Variants in NPAS3 observed in about 807,000 individuals in gnomAD.
NPAS3 encodes neuronal PAS domain-containing protein 3.
In NPAS3, 14 loss-of-function variants were observed where a neutral mutation model predicts 73.1. That is an observed-to-expected ratio of 0.19 (90% confidence interval 0.13 to 0.30). NPAS3 has a LOEUF of 0.30. Among genes scored for constraint, NPAS3 ranks in the 10% least tolerant of loss-of-function variants. The pLI, the probability that NPAS3 is intolerant of heterozygous loss-of-function variation, is 1.00. For synonymous variants in NPAS3, 620 were observed against 541.5 expected, an observed-to-expected ratio of 1.14 and a Z score of -2.01; for missense variants, 1,096 against 1,250.0, an observed-to-expected ratio of 0.88 and a Z score of 1.86.
chr14:33,286,999 CA>C (rs2041903692), intron 3 of NPAS3, among the ~76,000 whole-genome samples: 1 of 151,914 alleles, frequency 6.6e-6, no homozygotes, highest in African/African-American at 2.4e-5. Context: ...ACATGGTTAG[CA>C]ATGCTCGGGA....
chr14:33,703,131 T>C (rs1161394006), intron 6 of NPAS3, among the ~76,000 whole-genome samples: 1 of 152,144 alleles, frequency 6.6e-6, no homozygotes, highest in African/African-American at 2.4e-5. Context: ...CTGTACTGTT[T>C]AATGTAGAAC....
At chr14:33,036,759 T>C (rs2138383096) in intron 1 of NPAS3, among the ~76,000 whole-genome samples, 1 of 152,290 alleles carries the variant, frequency 6.6e-6, no homozygotes, top group African/African-American at 2.4e-5. Flanking sequence ...TGATAAACTA[T>C]AAAAGACTTT....
chr14:32,980,063 G>A (rs185185080), intron 1 of NPAS3, among the ~76,000 whole-genome samples: 1 of 152,284 alleles, frequency 6.6e-6, no homozygotes, highest in Admixed American at 6.5e-5. Flanking sequence ...TCATGATTTT[G>A]AACATATCAC....
chr14:33,553,120 G>A (rs923356832), intron 4 of NPAS3, among the ~76,000 whole-genome samples: 7 of 152,178 alleles, frequency 4.6e-5, no homozygotes, highest in African/African-American at 1.7e-4. Flanking sequence ...CTTTTGACCA[G>A]AGCCTATTGT....
chr14:32,942,052 A>G (rs2036039710), intron 1 of NPAS3, among the ~76,000 whole-genome samples: 1 of 152,198 alleles, frequency 6.6e-6, no homozygotes, highest in African/African-American at 2.4e-5. Context: ...TTATTTGCAC[A>G]TTGTGCCTAG....
chr14:33,597,281 C>A (rs1047840778), intron 5 of NPAS3, among the ~76,000 whole-genome samples: 1 of 152,184 alleles, frequency 6.6e-6, no homozygotes, highest in African/African-American at 2.4e-5. Context: ...TCCCCATATT[C>A]AGTCGTAACT....
intron 4 of NPAS3, among the ~76,000 whole-genome samples, chr14:33,380,853 G>T (rs2046516542): frequency 6.6e-6 from 1 of 152,092 alleles, no homozygotes; most frequent in Admixed American, 6.6e-5. Flanking sequence ...TATAAAAAAT[G>T]CAGGTGACCC....
chr14:32,994,623 T>G (rs1205660444), intron 1 of NPAS3, among the ~76,000 whole-genome samples: 1 of 139,254 alleles, frequency 7.2e-6, no homozygotes, highest in Non-Finnish European at 1.5e-5. Flanking sequence ...TTTTTGTTTG[T>G]TTGTTTGTTT....
intron 3 of NPAS3, among the ~76,000 whole-genome samples, chr14:33,305,636 G>T (rs533318824): frequency 5.2e-4 from 79 of 152,196 alleles, no homozygotes; most frequent in African/African-American, 1.8e-3. Flanking sequence ...TGGAAATGAA[G>T]ACATTGATTA....
intron 7 of NPAS3, among the ~76,000 whole-genome samples, chr14:33,765,836 G>C (rs187823482): frequency 5.5e-4 from 83 of 152,232 alleles, no homozygotes; most frequent in African/African-American, 1.8e-3. Flanking sequence ...TGTCATACAG[G>C]GCACTAGGAG....
At chr14:33,267,846 T>C (rs1386473988) in intron 3 of NPAS3, among the ~76,000 whole-genome samples, 5 of 152,116 alleles carry the variant, frequency 3.3e-5, no homozygotes, top group African/African-American at 1.2e-4. Flanking sequence ...TATCGGCACA[T>C]ATTGGGATGA....
intron 4 of NPAS3, among the ~76,000 whole-genome samples, chr14:33,492,281 G>A (rs2051939171): frequency 1.3e-5 from 2 of 152,088 alleles, no homozygotes; most frequent in Non-Finnish European, 2.9e-5. Context: ...ATGTTGCTGT[G>A]ATAATAGGCA....
chr14:33,323,788 A>T (rs929411015), intron 3 of NPAS3, among the ~76,000 whole-genome samples: 2 of 152,362 alleles, frequency 1.3e-5, no homozygotes, highest in Non-Finnish European at 2.9e-5. Flanking sequence ...GCCATCATTT[A>T]GTAAAATTAA....
chr14:33,134,524 A>G (rs2043763245), intron 2 of NPAS3, among the ~76,000 whole-genome samples: 1 of 152,162 alleles, frequency 6.6e-6, no homozygotes, highest in Admixed American at 6.5e-5. Flanking sequence ...AACAGCATAT[A>G]GAGGTCTCAT....
chr14:33,377,782 ACT>A (rs2046372074), intron 4 of NPAS3, among the ~76,000 whole-genome samples: 1 of 152,176 alleles, frequency 6.6e-6, no homozygotes, highest in South Asian at 2.1e-4. Context: ...GTAAATGGGG[ACT>A]TTCTAGTTGC....
At chr14:33,375,074 C>T (rs570672935) in intron 4 of NPAS3, among the ~76,000 whole-genome samples, 2 of 152,108 alleles carry the variant, frequency 1.3e-5, no homozygotes, top group African/African-American at 4.8e-5. Context: ...CCTGATGGCT[C>T]TTTTTGCTAA....
chr14:33,328,965 T>C (rs184956223), intron 3 of NPAS3, among the ~76,000 whole-genome samples: 191 of 152,290 alleles, frequency 1.3e-3, no homozygotes, highest in Non-Finnish European at 2.1e-3. Flanking sequence ...ACTCAAGATA[T>C]TTTTAGTAGC....
intron 5 of NPAS3, among the ~76,000 whole-genome samples, chr14:33,574,929 CTT>C (rs2056373774): frequency 6.6e-6 from 1 of 151,826 alleles, no homozygotes; most frequent in African/African-American, 2.4e-5. Flanking sequence ...TATGTAGTGA[CTT>C]TTGCTAGGAT....
chr14:33,321,308 A>C (rs2043436976), intron 3 of NPAS3, among the ~76,000 whole-genome samples: 1 of 152,152 alleles, frequency 6.6e-6, no homozygotes, highest in African/African-American at 2.4e-5. Context: ...ATTCAAAATA[A>C]GATGGAATTT....
Sources: gnomAD v4.1 joint callset for allele counts (sites outside exome capture counted in the v4.1 genomes callset) on GRCh38, gnomAD v4.1.1 for gene constraint, MANE v1.5 for transcripts, NCBI Gene and HGNC (gene_info 2026-07-23, HGNC 2026-07-21) for gene names.